CLSTN2: variants seen among roughly 807,000 people sequenced by gnomAD.
CLSTN2 encodes calsyntenin 2.
In CLSTN2, 48 loss-of-function variants were observed where a neutral mutation model predicts 101.2. That is an observed-to-expected ratio of 0.47 (90% confidence interval 0.38 to 0.60). The LOEUF (loss-of-function observed/expected upper bound fraction) is 0.60, where lower values mean the gene tolerates loss of function less well. CLSTN2 is among the 20% of genes least tolerant of loss of function. CLSTN2 has a pLI of 0.00. For missense variants in CLSTN2, 1,160 were observed against 1,238.2 expected (o/e 0.94, Z 0.95); for synonymous variants, 481 against 463.6 (o/e 1.04, Z -0.48).
chr3:140,458,328 G>A (rs1263310353), intron 6 of CLSTN2, among the ~76,000 whole-genome samples: 1 of 152,060 alleles, frequency 6.6e-6, no homozygotes, highest in Admixed American at 6.6e-5. Context: ...TGACTGGTCA[G>A]TGCCATATGA....
At chr3:140,234,709 G>C (rs2086401730) in intron 2 of CLSTN2, among the ~76,000 whole-genome samples, 1 of 152,130 alleles carries the variant, frequency 6.6e-6, no homozygotes, top group African/African-American at 2.4e-5. Flanking sequence ...ATGCCTACGT[G>C]AGAAGATCAG....
chr3:140,516,346 AT>A (rs1284612159), intron 8 of CLSTN2, among the ~76,000 whole-genome samples: 7 of 152,190 alleles, frequency 4.6e-5, no homozygotes, highest in African/African-American at 1.7e-4. Context: ...ATCAATATTG[AT>A]ATGTGAGATA....
chr3:140,414,721 A>G (rs2088408197), intron 4 of CLSTN2, among the ~76,000 whole-genome samples: 1 of 152,070 alleles, frequency 6.6e-6, no homozygotes, highest in Non-Finnish European at 1.5e-5. Flanking sequence ...AAATAAAAAA[A>G]TTTAAAAATC....
chr3:140,413,908 A>G (rs1397175442), intron 4 of CLSTN2, among the ~76,000 whole-genome samples: 1 of 152,144 alleles, frequency 6.6e-6, no homozygotes, highest in Non-Finnish European at 1.5e-5. Flanking sequence ...CAACACAATA[A>G]AGACTGTATA....
Position 140,280,018 on chromosome 3 carries a change from G to A in CLSTN2, c.232+103945G>A, listed in dbSNP as rs1212387670. Among the ~76,000 whole-genome samples, 4 of 152,142 alleles carry A rather than the reference G, an allele frequency of 2.6e-5. No homozygotes were observed. In the East Asian group the frequency reaches 5.8e-4, roughly 22 times the overall value. The stretch of plus-strand genomic sequence containing the variant: ...CCAGTCCATTTCATCCCTTAGCTAG[G>A]GACCCTGTTTTGTTCAACTCTTTGC... On this transcript the variant is annotated intron_variant, in intron 2 of 16. Transcript: ENST00000458420.
chr3:140,430,362 T>C (rs78083722), intron 5 of CLSTN2, among the ~76,000 whole-genome samples: 3,917 of 152,324 alleles, frequency 0.026, 192 homozygotes, highest in African/African-American at 0.087. Flanking sequence ...TACCTGTTTT[T>C]GTAAAACTGT....
At chr3:140,266,793 G>A (rs866988698) in intron 2 of CLSTN2, among the ~76,000 whole-genome samples, 4 of 152,182 alleles carry the variant, frequency 2.6e-5, no homozygotes, top group Non-Finnish European at 2.9e-5. Flanking sequence ...GACCCAAGCC[G>A]TGGGTCCATT....
intron 2 of CLSTN2, among the ~76,000 whole-genome samples, chr3:140,397,251 A>G (rs1559858254): frequency 6.6e-6 from 1 of 152,164 alleles, no homozygotes; most frequent in Non-Finnish European, 1.5e-5. Context: ...GTGATATGTT[A>G]TTTAGGTAGA....
chr3:140,012,467 C>T (rs2007098764), intron 1 of CLSTN2, among the ~76,000 whole-genome samples: 1 of 152,158 alleles, frequency 6.6e-6, no homozygotes, highest in Non-Finnish European at 1.5e-5. Context: ...GACTCTTAGC[C>T]TGTGTATTTG....
intron 1 of CLSTN2, among the ~76,000 whole-genome samples, chr3:140,136,167 G>T (rs1023788452): frequency 6.6e-6 from 1 of 152,084 alleles, no homozygotes; most frequent in African/African-American, 2.4e-5. Flanking sequence ...TATCACCCTT[G>T]GTCATTGTTC....
chr3:140,065,785 C>T (rs2008288900), intron 1 of CLSTN2, among the ~76,000 whole-genome samples: 1 of 152,170 alleles, frequency 6.6e-6, no homozygotes, highest in Admixed American at 6.5e-5. Flanking sequence ...TTGGCAAATA[C>T]AGCCTTGGGA....
chr3:140,316,060 G>A (rs1241819645), intron 2 of CLSTN2, among the ~76,000 whole-genome samples: 1 of 152,190 alleles, frequency 6.6e-6, no homozygotes, highest in African/African-American at 2.4e-5. Context: ...TCACTCATTT[G>A]GTAGGCATCT....
rs1479843137 is a variant in CLSTN2, at chr3:140,471,687, T to A, written c.1344+4956T>A. Reference sequence around the variant, plus strand: ...TTGTGGGTGGGAAGAAGCATCAAGATGAGTGACAATACCTGGCTGGGTGAA... The same window carrying A: ...TTGTGGGTGGGAAGAAGCATCAAGAAGAGTGACAATACCTGGCTGGGTGAA... On this transcript the variant is annotated intron_variant, in intron 8 of 16. Coordinates refer to ENST00000458420, the MANE Select transcript of CLSTN2 (RefSeq NM_022131.3). Among the ~76,000 whole-genome samples, 3 of 152,192 alleles carry A rather than the reference T, an allele frequency of 2.0e-5. No individual in the cohort carries two copies. The East Asian group carries it at 5.8e-4, about 29-fold the overall frequency.
At chr3:140,198,069 G>C (rs186270718) in intron 2 of CLSTN2, among the ~76,000 whole-genome samples, 1 of 152,246 alleles carries the variant, frequency 6.6e-6, no homozygotes, top group East Asian at 1.9e-4. Flanking sequence ...CAATGGAAAG[G>C]TTTTAGAAGG....
chr3:139,982,794 A>T (rs1319159285), intron 1 of CLSTN2, among the ~76,000 whole-genome samples: 3 of 152,180 alleles, frequency 2.0e-5, no homozygotes, highest in Non-Finnish European at 4.4e-5. Context: ...CAATAAAACT[A>T]GACATGTCTA....
Position 140,563,976 on chromosome 3 carries a change from C to T in CLSTN2, c.2498C>T (p.Ala833Val). Residue 833 changes from alanine to valine, a missense_variant, in exon 16 of 17, where the codon GCC becomes GTC. By Grantham distance (64) the Ala-to-Val change is moderately conservative. Coordinates refer to ENST00000458420, the MANE Select transcript of CLSTN2 (RefSeq NM_022131.3). ...IQHSSVVPSI[A>V]TVVIIISVCM... ...CTTGTTCCAGTGGTCCCAAGCATTG[C>T]CACAGTGGTCATCATCATCTCCGTG... 6.2e-7 allele frequency: 1 copy of T among 1,614,042 alleles called. No homozygotes were observed. The highest frequency in any genetic ancestry group is 8.5e-7 in the Non-Finnish European group (1 of 1,179,964).
intron 2 of CLSTN2, among the ~76,000 whole-genome samples, chr3:140,379,445 G>A (rs1048307658): frequency 3.3e-5 from 5 of 152,170 alleles, no homozygotes; most frequent in Admixed American, 6.5e-5. Flanking sequence ...TCTGTGGATT[G>A]TAGGGAAATC....
At chr3:140,476,861 G>C (rs987859630) in intron 8 of CLSTN2, among the ~76,000 whole-genome samples, 1 of 151,924 alleles carries the variant, frequency 6.6e-6, no homozygotes, top group East Asian at 1.9e-4. Context: ...GGATTTCACT[G>C]TGTTAGCCAG....
intron 1 of CLSTN2, among the ~76,000 whole-genome samples, chr3:140,097,877 G>A (rs371149705): frequency 2.4e-4 from 37 of 152,258 alleles, no homozygotes; most frequent in African/African-American, 8.9e-4. Flanking sequence ...TGATTACATT[G>A]GATGTGAGTT....
Sources: allele counts gnomAD v4.1 joint callset (sites outside exome capture counted in the v4.1 genomes callset), GRCh38; gene constraint gnomAD v4.1.1; transcripts MANE v1.5; gene names NCBI Gene and HGNC (gene_info 2026-07-23, HGNC 2026-07-21).